ACAN: variants seen among roughly 807,000 people sequenced by gnomAD.
ACAN encodes aggrecan core protein.
Under a neutral mutation model 169.1 loss-of-function variants are expected in ACAN, and 47 were observed. The ratio of observed to expected loss-of-function variants is 0.28; its 90% CI spans 0.22 to 0.35. The LOEUF (loss-of-function observed/expected upper bound fraction) is 0.35. Ranked by LOEUF, ACAN falls within the 10% of genes least tolerant of loss-of-function variation. The pLI is 1.00. For synonymous variants in ACAN, 1,115 were observed against 1,112.2 expected (o/e 1.00, Z -0.05); for missense variants, 2,716 against 2,759.9 (o/e 0.98, Z 0.36).
chr15:88,818,000 A>G lies in ACAN; in HGVS notation c.-8+14191A>G, dbSNP rs183883093. On this transcript the variant is annotated intron_variant, in intron 1 of 18. Coordinates refer to ENST00000560601, the MANE Select transcript of ACAN (RefSeq NM_001369268.1). ...CCATTGAATAGATATACAGAAAAAT[A>G]GAATGGAATTGTATTCTATGTGTTA... Among the ~76,000 whole-genome samples the G allele has an allele frequency of 1.9e-3, 291 of 152,326 alleles. 1 individual carries two copies. Among genetic ancestry groups the G allele is most frequent in the Non-Finnish European group, 2.0e-3 (137 of 68,026 alleles).
intron 11 of ACAN, among the ~76,000 whole-genome samples, chr15:88,854,400 C>T (rs551866742): frequency 6.6e-5 from 10 of 152,252 alleles, no homozygotes; most frequent in East Asian, 5.8e-4. Flanking sequence ...GCTCTTGCTG[C>T]GAGTCCAAGC....
Position 88,871,794 on chromosome 15 carries a change from G to A in ACAN, c.7220-209G>A, listed in dbSNP as rs887736172. The stretch of plus-strand genomic sequence containing the variant: ...CAAGACTAAGCTATGGCTGTCACCC[G>A]TCCATGCCAGCTTGGAGAGGTGGCC... On this transcript the variant is annotated intron_variant, in intron 15 of 18. Coordinates refer to ENST00000560601, the MANE Select transcript of ACAN (RefSeq NM_001369268.1). The surrounding 1 kb of genome is among the most constrained non-coding windows in gnomAD (Gnocchi z 7.8). Among the ~76,000 whole-genome samples the A allele has an allele frequency of 3.9e-5, 6 of 152,300 alleles. No homozygotes were observed. The highest frequency in any genetic ancestry group is 7.2e-5 in the African/African-American group (3 of 41,576).
rs141804742 is a variant in ACAN at position 88,866,177 on chromosome 15, C to T, written c.6947-2039C>T. ...GCCTCTGAGACAACTGGATACCCCC[C>T]AGCCTGACCTCCGCTGGGGTGTCTT... On this transcript the variant is annotated intron_variant, in intron 13 of 18. Transcript: ENST00000560601. This position sits in a 1 kb window ranked among gnomAD's most constrained non-coding sequence, Gnocchi z 5.6. Among the ~76,000 whole-genome samples the T allele has an allele frequency of 6.6e-6, 1 of 152,162 alleles. No homozygotes were observed. Among genetic ancestry groups the T allele is most frequent in the Admixed American group, 6.5e-5 (1 of 15,278 alleles).
Position 88,870,353 on chromosome 15 carries a change from G to A in ACAN, c.7061-1029G>A, listed in dbSNP as rs946967183. On this transcript the variant is annotated intron_variant, in intron 14 of 18. Transcript: ENST00000560601. This position sits in a 1 kb window ranked among gnomAD's most constrained non-coding sequence, Gnocchi z 6.3. ...GGGGTTTGTGACCCTCCACCTGGGA[G>A]ATCCCAGGGGAAGAAGGAAGAAGGG... Among the ~76,000 whole-genome samples the A allele has an allele frequency of 6.6e-6, 1 of 152,226 alleles. No individual in the cohort carries two copies. The highest frequency in any genetic ancestry group is 2.4e-5 in the African/African-American group (1 of 41,450).
Position 88,843,752 on chromosome 15 carries a change from G to A in ACAN, c.1051+104G>A. ...GGAGGGTTGGTTTTTGCCCTTGAAG[G>A]GGCCACGGGGTACCTGAACCCCATG... On this transcript the variant is annotated intron_variant, in intron 6 of 18. Transcript: ENST00000560601. The surrounding 1 kb of genome is among the most constrained non-coding windows in gnomAD (Gnocchi z 4.0). 7.2e-7 allele frequency: 1 copy of A among 1,397,234 alleles called. No individual in the cohort carries two copies. Among genetic ancestry groups the A allele is most frequent in the Admixed American group, 2.3e-5 (1 of 42,998 alleles). 86.6% of individuals were successfully genotyped at this position (1,397,234 alleles called of 1,614,324 possible).
intron 1 of ACAN, among the ~76,000 whole-genome samples, chr15:88,810,269 G>C (rs949537873): frequency 1.3e-5 from 2 of 149,706 alleles, no homozygotes; most frequent in Admixed American, 6.7e-5. Context: ...AACAGATTTG[G>C]TCCTTGGGTT....
In ACAN at chr15:88,849,343, TGAG is replaced by T; in HGVS notation, c.1733-90_1733-88del. Reference sequence around the variant, plus strand: ...GAGCTGGGCTGGGTCTTAGCCCTGGTGAGGAGGGTTAGAGGAACTCTGTCCTGG... The same window carrying T: ...GAGCTGGGCTGGGTCTTAGCCCTGGTGAGGGTTAGAGGAACTCTGTCCTGG... On this transcript the variant is annotated intron_variant, in intron 9 of 18. Transcript: ENST00000560601. The surrounding 1 kb of genome is among the most constrained non-coding windows in gnomAD (Gnocchi z 5.1). 1 of 1,272,836 alleles carries T rather than the reference TGAG, an allele frequency of 7.9e-7. No individual in the cohort carries two copies. The highest frequency in any genetic ancestry group is 1.1e-6 in the Non-Finnish European group (1 of 949,214). The allele number at this position is 1,272,836 out of a possible 1,614,324, so 78.8% of individuals were successfully genotyped here.
chr15:88,813,099 A>C (rs1895860768), intron 1 of ACAN, among the ~76,000 whole-genome samples: 1 of 152,194 alleles, frequency 6.6e-6, no homozygotes, highest in Admixed American at 6.5e-5. Flanking sequence ...TGCATGGGAC[A>C]TGAGCCCCAT....
intron 1 of ACAN, among the ~76,000 whole-genome samples, chr15:88,818,275 A>C (rs1476709153): frequency 6.6e-6 from 1 of 152,246 alleles, no homozygotes; most frequent in East Asian, 1.9e-4. Flanking sequence ...CCAGCACTGC[A>C]TCTGATAACA....
intron 1 of ACAN, among the ~76,000 whole-genome samples, chr15:88,815,515 T>C (rs891458940): frequency 4.8e-5 from 7 of 145,844 alleles, no homozygotes; most frequent in African/African-American, 1.8e-4. Flanking sequence ...ACTGAGATCA[T>C]GCCACTGCAC....
chr15:88,841,891 G>C, intron 5 of ACAN, 24 bp downstream of exon 5: 1 of 1,612,570 alleles, frequency 6.2e-7, no homozygotes, highest in East Asian at 2.2e-5. Flanking sequence ...CCCACCAGGA[G>C]GCACCCAGCT....
At chr15:88,831,595 C>T (rs898898500) in intron 1 of ACAN, among the ~76,000 whole-genome samples, 5 of 152,230 alleles carry the variant, frequency 3.3e-5, no homozygotes, top group Non-Finnish European at 5.9e-5. Context: ...GGGAACAAGA[C>T]AGACACAGCA....
chr15:88,812,599 G>C (rs1895848089), intron 1 of ACAN, among the ~76,000 whole-genome samples: 1 of 151,968 alleles, frequency 6.6e-6, no homozygotes, highest in African/African-American at 2.4e-5. Context: ...CCCTGCCCAG[G>C]TGCTCTTCCC....
chr15:88,818,623 A>G (rs952067883), intron 1 of ACAN, among the ~76,000 whole-genome samples: 2 of 152,166 alleles, frequency 1.3e-5, no homozygotes, highest in African/African-American at 4.8e-5. Context: ...TGGCCACTCA[A>G]ATACTCAATA....
At position 88,847,342 on chromosome 15, in the gene ACAN, C is replaced by G. The variant is rs1428109216; in HGVS notation, c.1529C>G (p.Pro510Arg). ...CGCACGGGGGCGGTCATTGCCTCGCCGGAGCAGCTCCAGGCCGCCTACGAA... is the reference window on the plus strand; with the variant it reads ...CGCACGGGGGCGGTCATTGCCTCGCGGGAGCAGCTCCAGGCCGCCTACGAA... ...CLRTGAVIAS[P>R]EQLQAAYEAG... Residue 510 changes from proline to arginine, a missense_variant, in exon 8 of 19, where the codon CCG (proline) becomes CGG (arginine). By Grantham distance (103) the Pro-to-Arg change is moderately radical. This residue lies in a region of ACAN where 1,283 missense variants were observed against 1,281.5 expected (regional missense o/e 1.00). Coordinates refer to ENST00000560601, the MANE Select transcript of ACAN (RefSeq NM_001369268.1). 1 of 1,585,444 alleles carries G rather than the reference C, an allele frequency of 6.3e-7. No homozygotes were observed. Among genetic ancestry groups the G allele is most frequent in the Non-Finnish European group, 8.6e-7 (1 of 1,166,944 alleles).
intron 1 of ACAN, among the ~76,000 whole-genome samples, chr15:88,817,266 A>T (rs12917038): frequency 2.0e-5 from 3 of 152,248 alleles, no homozygotes; most frequent in South Asian, 4.1e-4. Context: ...CTCGGCCTCC[A>T]GAGTAGCTGT....
rs774310062 is a variant in ACAN, at chr15:88,855,478, AC to A, written c.2895del (p.Ser966LeufsTer5). ...ACTTCCTTCTGGAGAAGTTCTAGAG[AC>A]CTCTGCCTCTGGAGTAGGAGACCTC... ...SGLPSGEVLE[T>X]SASGVGDLSG... On this transcript the variant is annotated frameshift_variant, in exon 12 of 19. Transcript: ENST00000560601. LOFTEE classifies it high-confidence loss of function. 2 of 1,613,054 alleles carry A rather than the reference AC, an allele frequency of 1.2e-6. No individual in the cohort carries two copies. Among genetic ancestry groups the A allele is most frequent in the African/African-American group, 2.7e-5 (2 of 74,744 alleles).
At chr15:88,864,523 C>T (rs1897251535) in intron 13 of ACAN, among the ~76,000 whole-genome samples, 1 of 152,138 alleles carries the variant, frequency 6.6e-6, no homozygotes. Context: ...CCTTGGCCTC[C>T]CAAAGTGCTG....
chr15:88,873,536 A>G lies in ACAN; in HGVS notation c.7448-306A>G, dbSNP rs1419060526. 2.6e-5 allele frequency among the ~76,000 whole-genome samples: 4 copies of G among 152,146 alleles called. No individual in the cohort carries two copies. The highest frequency in any genetic ancestry group is 9.7e-5 in the African/African-American group (4 of 41,414). Reference sequence around the variant, plus strand: ...TTTCAGTCTCATTTTCCCCTGAACTAGATGTTTTCATCAAGAAGCCTGAGT... The same window carrying G: ...TTTCAGTCTCATTTTCCCCTGAACTGGATGTTTTCATCAAGAAGCCTGAGT... On this transcript the variant is annotated intron_variant, in intron 17 of 18. Transcript: ENST00000560601. This position sits in a 1 kb window ranked among gnomAD's most constrained non-coding sequence, Gnocchi z 7.5.
Sources: gnomAD v4.1 joint callset for allele counts (sites outside exome capture counted in the v4.1 genomes callset) on GRCh38, gnomAD v4.1.1 for gene constraint, gnomAD v4.1.1 regional missense constraint, Gnocchi (gnomAD v3.1) non-coding constraint, MANE v1.5 for transcripts, NCBI Gene and HGNC (gene_info 2026-07-23, HGNC 2026-07-21) for gene names.